AGBL3: variants seen among roughly 807,000 people sequenced by gnomAD.
AGBL3 encodes cytosolic carboxypeptidase 3.
Under a neutral mutation model 94.5 loss-of-function variants are expected in AGBL3, and 68 were observed. The observed-to-expected ratio is 0.72, with a 90% CI of 0.59 to 0.88. AGBL3 has a LOEUF of 0.88. Among genes scored for constraint, AGBL3 ranks in the 40% least tolerant of loss-of-function variants. The pLI, the probability that AGBL3 is intolerant of heterozygous loss-of-function variation, is 0.00. For missense variants in AGBL3, 934 were observed against 1,103.8 expected (o/e 0.85, Z 2.18); for synonymous variants, 354 against 370.7 (o/e 0.95, Z 0.52).
rs913466926 is a variant in AGBL3 at position 135,081,832 on chromosome 7, A to T, written c.2110+42A>T. The T allele has an allele frequency of 3.3e-6, 4 of 1,227,288 alleles. No individual in the cohort carries two copies. The African/African-American group carries it at 6.0e-5, about 18-fold the overall frequency. 76.0% of individuals were successfully genotyped at this position (1,227,288 alleles called of 1,614,324 possible). ...CACAGACAGTAATGAGTGGTCCCCT[A>T]TGATCTGAATGTTATTTTTCTCTCT... On this transcript the variant is annotated intron_variant, in intron 15 of 16. Coordinates refer to ENST00000436302, the MANE Select transcript of AGBL3 (RefSeq NM_178563.4).
At position 135,059,168 on chromosome 7, in the gene AGBL3, G is replaced by C. The variant is rs775848517; in HGVS notation, c.1842-1G>C. The C allele has an allele frequency of 2.6e-6, 4 of 1,548,854 alleles. No homozygotes were observed. In the South Asian group the frequency reaches 4.8e-5, roughly 19 times the overall value. On this transcript the variant is annotated splice_acceptor_variant, in intron 11 of 16. Transcript: ENST00000436302. LOFTEE classifies it high-confidence loss of function. ...ATAAACCAAAATTATTTTTTTTGTA[G>C]TAGCCGAGGCTCTGACAGTTCAGAA...
intron 16 of AGBL3, among the ~76,000 whole-genome samples, chr7:135,126,700 T>G (rs1827922356): frequency 6.6e-6 from 1 of 151,962 alleles, no homozygotes; most frequent in South Asian, 2.1e-4. Context: ...AACGGAGACC[T>G]CAGAAATAAT....
intron 4 of AGBL3, among the ~76,000 whole-genome samples, chr7:135,009,297 A>G (rs1292084919): frequency 1.3e-5 from 2 of 152,222 alleles, no homozygotes. Context: ...ATTAGCCATA[A>G]AAATGGAATG....
At chr7:135,081,546 A>T (rs1462004203) in intron 14 of AGBL3, among the ~76,000 whole-genome samples, 173 bp from the exon 15 acceptor site, 3 of 152,210 alleles carry the variant, frequency 2.0e-5, no homozygotes, top group Non-Finnish European at 2.9e-5. Context: ...GAACATTTTT[A>T]AATGCAACAA....
intron 6 of AGBL3, among the ~76,000 whole-genome samples, chr7:135,033,400 C>T (rs1487760878): frequency 6.6e-6 from 1 of 152,178 alleles, no homozygotes; most frequent in Non-Finnish European, 1.5e-5. Flanking sequence ...TACCTATCAC[C>T]TAGACTCAAC....
rs143004927 is a variant in AGBL3 at position 135,024,333 on chromosome 7, C to T, written c.418+7174C>T. Among the ~76,000 whole-genome samples, 263 of 152,312 alleles carry T rather than the reference C, an allele frequency of 1.7e-3. 2 individuals carry two copies. Among genetic ancestry groups the T allele is most frequent in the African/African-American group, 6.2e-3 (259 of 41,570 alleles). The stretch of plus-strand genomic sequence containing the variant: ...CTAAGAGCTTCTCTGCTGGCCATTA[C>T]TCTCAAGCACCATCTGTGGTTTGTA... On this transcript the variant is annotated intron_variant, in intron 5 of 16. Transcript: ENST00000436302.
At position 134,996,133 on chromosome 7, in the gene AGBL3, A is replaced by C. The variant is rs555515361; in HGVS notation, c.310+2455A>C. Reference sequence around the variant, plus strand: ...TGTGGCTTTTATTCAAAGGCACAGGATACGGTGCAGCAAGAGAAAGATACT... The same window carrying C: ...TGTGGCTTTTATTCAAAGGCACAGGCTACGGTGCAGCAAGAGAAAGATACT... On this transcript the variant is annotated intron_variant, in intron 4 of 16. Coordinates refer to ENST00000436302, the MANE Select transcript of AGBL3 (RefSeq NM_178563.4). Among the ~76,000 whole-genome samples, 16 of 152,318 alleles carry C rather than the reference A, an allele frequency of 1.1e-4. No homozygotes were observed. In the South Asian group the frequency reaches 2.7e-3, roughly 26 times the overall value.
chr7:134,989,093 A>G (rs1809874857), intron 2 of AGBL3, among the ~76,000 whole-genome samples, 157 bp from the exon 3 acceptor site: 1 of 152,230 alleles, frequency 6.6e-6, no homozygotes. Context: ...TGTTGGGTGC[A>G]TTGAGACCAG....
intron 4 of AGBL3, among the ~76,000 whole-genome samples, chr7:135,003,338 G>A (rs1252337322): frequency 1.2e-4 from 18 of 151,968 alleles, no homozygotes; most frequent in Admixed American, 6.6e-5. Flanking sequence ...TCTGTCTTTT[G>A]ATATGCCAGC....
chr7:135,068,577 T>C (rs144367847), intron 12 of AGBL3, among the ~76,000 whole-genome samples: 7,628 of 152,250 alleles, frequency 0.05, 258 homozygotes, highest in Non-Finnish European at 0.08. Context: ...TGGGGGCCAA[T>C]ATTCAACATC....
intron 11 of AGBL3, 117 bp downstream of exon 11, chr7:135,046,028 A>G (rs1304424192): frequency 2.8e-6 from 2 of 726,196 alleles, no homozygotes; most frequent in Non-Finnish European, 4.5e-6. Flanking sequence ...TAAGTGGTGG[A>G]AAATTTCTCC....
intron 4 of AGBL3, among the ~76,000 whole-genome samples, chr7:135,016,584 G>T (rs1365045471): frequency 3.3e-5 from 5 of 152,118 alleles, no homozygotes; most frequent in African/African-American, 1.2e-4. Context: ...ATAGCTAAAG[G>T]AGAAGTGGCA....
At chr7:135,079,613 C>T (rs1286888216) in intron 13 of AGBL3, among the ~76,000 whole-genome samples, 1 of 144,710 alleles carries the variant, frequency 6.9e-6, no homozygotes, top group Non-Finnish European at 1.5e-5. Flanking sequence ...TTACAGGTGA[C>T]TGCCACCACT....
chr7:135,038,151 G>A (rs1816488187), intron 8 of AGBL3, among the ~76,000 whole-genome samples: 1 of 152,138 alleles, frequency 6.6e-6, no homozygotes, highest in Non-Finnish European at 1.5e-5. Flanking sequence ...GGGAAAAGAT[G>A]TTAACATAGC....
intron 8 of AGBL3, among the ~76,000 whole-genome samples, chr7:135,038,681 G>A (rs1759303287): frequency 6.6e-6 from 1 of 152,136 alleles, no homozygotes; most frequent in Admixed American, 6.6e-5. Flanking sequence ...ATCTTTTTGG[G>A]CCAGACGTGG....
intron 14 of AGBL3, among the ~76,000 whole-genome samples, chr7:135,081,292 C>T (rs1274343096): frequency 1.3e-5 from 2 of 152,042 alleles, no homozygotes; most frequent in Non-Finnish European, 2.9e-5. Flanking sequence ...ACATAATCAT[C>T]GCATTATTTT....
intron 4 of AGBL3, among the ~76,000 whole-genome samples, chr7:135,001,645 C>T (rs1184530224): frequency 6.6e-6 from 1 of 152,066 alleles, no homozygotes; most frequent in Non-Finnish European, 1.5e-5. Flanking sequence ...TCCCTTGATT[C>T]TTCCTTTTGT....
chr7:134,996,082 A>G (rs1157330124), intron 4 of AGBL3, among the ~76,000 whole-genome samples: 1 of 152,222 alleles, frequency 6.6e-6, no homozygotes, highest in African/African-American at 2.4e-5. Flanking sequence ...GAAAGGACTT[A>G]TAAGACTTCA....
At chr7:135,119,258 C>A (rs1331102190) in intron 16 of AGBL3, among the ~76,000 whole-genome samples, 2 of 151,108 alleles carry the variant, frequency 1.3e-5, no homozygotes, top group African/African-American at 2.4e-5. Flanking sequence ...GAGACAAAGT[C>A]TTGCTCAGTT....
Sources: allele counts gnomAD v4.1 joint callset (sites outside exome capture counted in the v4.1 genomes callset), GRCh38; gene constraint gnomAD v4.1.1; transcripts MANE v1.5; gene names NCBI Gene and HGNC (gene_info 2026-07-23, HGNC 2026-07-21).